Variants in TRIQK observed in about 807,000 individuals in gnomAD.
TRIQK encodes triple QxxK/R motif containing.
A neutral mutation model predicts 10.8 loss-of-function variants in TRIQK; 10 were observed. The ratio of observed to expected loss-of-function variants is 0.92; its 90% CI spans 0.57 to 1.57. The LOEUF is 1.57. Ranked by LOEUF, TRIQK falls within the 40% of genes most tolerant of loss-of-function variation. TRIQK has a pLI of 0.00. For synonymous variants in TRIQK, 33 were observed against 33.7 expected, an observed-to-expected ratio of 0.98 and a Z score of 0.07; for missense variants, 107 against 97.7, an observed-to-expected ratio of 1.09 and a Z score of -0.40.
Position 92,966,010 on chromosome 8 carries a change from A to T in TRIQK, c.-184T>A, listed in dbSNP as rs1379533483. 1.3e-5 allele frequency: 2 copies of T among 152,624 alleles called. No individual in the cohort carries two copies. Among genetic ancestry groups the T allele is most frequent in the East Asian group, 1.9e-4 (1 of 5,190 alleles). 9.5% of individuals were successfully genotyped at this position (152,624 alleles called of 1,614,324 possible). ...CTCGCACTCGCCGGACACACACCTC[A>T]GCTCTGCCAAGGCAAGGGCCGACAA... is the stretch of plus-strand genomic sequence containing the variant. On this transcript the variant is annotated 5_prime_UTR_variant, in exon 1 of 5. Coordinates refer to ENST00000521988, the MANE Select transcript of TRIQK (RefSeq NM_001171797.2).
intron 1 of TRIQK, among the ~76,000 whole-genome samples, chr8:92,994,774 C>T (rs929536288): frequency 7.2e-5 from 11 of 151,938 alleles, no homozygotes; most frequent in Admixed American, 2.6e-4. Context: ...CCTTATTGCT[C>T]CAATTCCTGT....
intron 2 of TRIQK, among the ~76,000 whole-genome samples, chr8:92,919,202 G>A (rs1810040230): frequency 6.6e-6 from 1 of 151,648 alleles, no homozygotes. Context: ...TCAGCTATTG[G>A]GGATCTTCTG....
chr8:92,932,816 A>T (rs1440823452), intron 2 of TRIQK, among the ~76,000 whole-genome samples: 1 of 152,152 alleles, frequency 6.6e-6, no homozygotes, highest in Non-Finnish European at 1.5e-5. Flanking sequence ...AATGTATATC[A>T]TTTTTAAAAT....
chr8:92,893,285 T>C (rs1354484221), intron 3 of TRIQK, among the ~76,000 whole-genome samples: 2 of 152,012 alleles, frequency 1.3e-5, no homozygotes, highest in Non-Finnish European at 2.9e-5. Context: ...GTCAAATGGA[T>C]GGGCGTAGTG....
intron 3 of TRIQK, among the ~76,000 whole-genome samples, chr8:92,914,254 C>CT (rs1261846474): frequency 6.6e-6 from 1 of 152,062 alleles, no homozygotes; most frequent in African/African-American, 2.4e-5. Context: ...TGTCCCCCTT[C>CT]TTTTTTTCTA....
intron 3 of TRIQK, among the ~76,000 whole-genome samples, chr8:92,906,324 G>T (rs35622782): frequency 0.028 from 4,288 of 152,218 alleles, 76 homozygotes; most frequent in South Asian, 0.065. Flanking sequence ...ATCAAGGTCC[G>T]TTGAAATGGT....
chr8:92,892,134 A>G (rs1364918979), intron 3 of TRIQK, 60 bp from the exon 4 acceptor site: 2 of 1,163,484 alleles, frequency 1.7e-6, no homozygotes, highest in African/African-American at 3.2e-5. Flanking sequence ...TTTAACAATC[A>G]TTTGAAATGT....
intron 1 of TRIQK, among the ~76,000 whole-genome samples, chr8:93,012,358 C>T (rs1586531834): frequency 6.6e-6 from 1 of 152,122 alleles, no homozygotes; most frequent in East Asian, 1.9e-4. Context: ...ACAGAGTGCC[C>T]ACGATTCTGT....
rs1816353808 is a variant in TRIQK, at chr8:92,884,240, C to T, written c.*2382G>A. On this transcript the variant is annotated 3_prime_UTR_variant, in exon 5 of 5. Coordinates refer to ENST00000521988, the MANE Select transcript of TRIQK (RefSeq NM_001171797.2). The stretch of plus-strand genomic sequence containing the variant: ...GTGTGGTCCCTTTAAAACAGCAGGC[C>T]GGATATCACCTTTCTGTCTTCAAAG... 2.6e-5 allele frequency: 4 copies of T among 152,504 alleles called. No homozygotes were observed. The highest frequency in any genetic ancestry group is 4.8e-5 in the African/African-American group (2 of 41,358). 9.4% of individuals were successfully genotyped at this position (152,504 alleles called of 1,614,324 possible). A position where few individuals can be genotyped will look rare whatever the true frequency, so the allele number is the denominator to read the frequency against.
chr8:93,000,807 A>G (rs1813202414), intron 1 of TRIQK, among the ~76,000 whole-genome samples: 1 of 152,016 alleles, frequency 6.6e-6, no homozygotes, highest in African/African-American at 2.4e-5. Context: ...AAAAAAAATT[A>G]CAGCACATAC....
chr8:92,931,387 C>T (rs1810716100), intron 2 of TRIQK, among the ~76,000 whole-genome samples: 1 of 152,098 alleles, frequency 6.6e-6, no homozygotes, highest in South Asian at 2.1e-4. Flanking sequence ...AAAACCTTTT[C>T]TGAGTCTCTA....
intron 3 of TRIQK, among the ~76,000 whole-genome samples, chr8:92,906,855 T>G (rs895309520): frequency 3.3e-5 from 5 of 149,976 alleles, no homozygotes; most frequent in African/African-American, 1.2e-4. Flanking sequence ...ATAGCGCCAC[T>G]ACACTCCAGC....
At chr8:92,941,489 AAAG>A (rs929242214) in intron 2 of TRIQK, among the ~76,000 whole-genome samples, 2 of 152,196 alleles carry the variant, frequency 1.3e-5, no homozygotes, top group Non-Finnish European at 2.9e-5. Context: ...CAGCATCAAA[AAAG>A]AAGATCTCAA....
intron 1 of TRIQK, among the ~76,000 whole-genome samples, chr8:92,976,070 T>C (rs968997569): frequency 6.6e-6 from 1 of 151,978 alleles, no homozygotes; most frequent in Non-Finnish European, 1.5e-5. Flanking sequence ...GAAACTTATT[T>C]TATTATATAG....
chr8:92,974,614 C>T (rs1322886889), intron 1 of TRIQK: 1 of 152,222 alleles, frequency 6.6e-6, no homozygotes, highest in African/African-American at 2.4e-5. Context: ...ATCTCAAAGA[C>T]TGAACCATAA....
intron 2 of TRIQK, among the ~76,000 whole-genome samples, chr8:92,932,052 CTG>C (rs1290378322): frequency 1.3e-5 from 2 of 152,190 alleles, no homozygotes; most frequent in South Asian, 2.1e-4. Context: ...ACTGAATACT[CTG>C]TCGTCAAACT....
intron 1 of TRIQK, among the ~76,000 whole-genome samples, chr8:93,015,943 T>TC (rs60437592): frequency 0.14 from 21,451 of 151,952 alleles, 1,521 homozygotes; most frequent in East Asian, 0.19. Flanking sequence ...CACCTTTTTT[T>TC]AAGTAAAAAA....
At chr8:92,991,309 G>T (rs980519271) in intron 1 of TRIQK, among the ~76,000 whole-genome samples, 2 of 152,150 alleles carry the variant, frequency 1.3e-5, no homozygotes, top group African/African-American at 4.8e-5. Context: ...TGGGAGAGGG[G>T]GTGGCTGTGA....
intron 2 of TRIQK, among the ~76,000 whole-genome samples, chr8:92,937,981 T>A (rs1377170238): frequency 6.6e-6 from 1 of 152,000 alleles, no homozygotes; most frequent in Admixed American, 6.6e-5. Flanking sequence ...GTTCCTTGTG[T>A]GATGTTTCAT....
Sources: gnomAD v4.1 joint callset for allele counts (sites outside exome capture counted in the v4.1 genomes callset) on GRCh38, gnomAD v4.1.1 for gene constraint, MANE v1.5 for transcripts, NCBI Gene and HGNC (gene_info 2026-07-23, HGNC 2026-07-21) for gene names.